NELL2: variants seen among roughly 807,000 people sequenced by gnomAD.
NELL2 encodes the protein protein kinase C-binding protein NELL2.
A neutral mutation model predicts 109.6 loss-of-function variants in NELL2; 41 were observed. That is an observed-to-expected ratio of 0.37 (90% CI 0.29 to 0.49). The LOEUF is 0.49. Among genes scored for constraint, NELL2 ranks in the 20% least tolerant of loss-of-function variants. The pLI is 0.98. For synonymous variants in NELL2, 355 were observed against 344.7 expected (o/e 1.03, Z -0.33); for missense variants, 900 against 1,008.3 (o/e 0.89, Z 1.45).
In NELL2 at chr12:44,693,931, G is replaced by C. The variant is rs532643644; in HGVS notation, c.1318+9795C>G. On this transcript the variant is annotated intron_variant, in intron 12 of 19. Coordinates refer to ENST00000429094, the MANE Select transcript of NELL2 (RefSeq NM_001145108.2). Reference sequence around the variant, plus strand: ...TCCATATATCATATTAATCCTGAAAGCTGTTTTATGTAGCAACTTTTCCAC... The same window carrying C: ...TCCATATATCATATTAATCCTGAAACCTGTTTTATGTAGCAACTTTTCCAC... 4.6e-5 allele frequency among the ~76,000 whole-genome samples: 7 copies of C among 152,238 alleles called. No homozygotes were observed. The South Asian group carries it at 1.5e-3, about 32-fold the overall frequency.
In NELL2 at chr12:44,727,924, C is replaced by T. The variant is rs80230040; in HGVS notation, c.995-13183G>A. ...AAGAAGCAAAAGGGCTTCCCATAAT[C>T]CTTCATGTCTTCAGTGATGCTATTA... On this transcript the variant is annotated intron_variant, in intron 9 of 19. Transcript: ENST00000429094. 9.2e-3 allele frequency among the ~76,000 whole-genome samples: 1,394 copies of T among 152,096 alleles called. 25 individuals are homozygous for T. Among genetic ancestry groups the T allele is most frequent in the East Asian group, 0.07 (363 of 5,182 alleles).
intron 9 of NELL2, among the ~76,000 whole-genome samples, chr12:44,751,006 C>G (rs969190503): frequency 6.6e-6 from 1 of 151,954 alleles, no homozygotes; most frequent in Non-Finnish European, 1.5e-5. Flanking sequence ...CCTTTCAGTC[C>G]AAAAGAGCAG....
chr12:44,638,220 T>C (rs1227099637), intron 13 of NELL2, among the ~76,000 whole-genome samples: 1 of 152,122 alleles, frequency 6.6e-6, no homozygotes, highest in Non-Finnish European at 1.5e-5. Flanking sequence ...TTTTTAGACT[T>C]ATTCTGTTCC....
intron 16 of NELL2, among the ~76,000 whole-genome samples, chr12:44,527,865 G>A (rs902344194): frequency 1.5e-4 from 23 of 151,814 alleles, no homozygotes; most frequent in Admixed American, 2.6e-4. Context: ...AGGCCGAGGC[G>A]GACGGATCAC....
intron 15 of NELL2, among the ~76,000 whole-genome samples, chr12:44,553,801 T>C (rs980130162): frequency 3.3e-5 from 5 of 151,268 alleles, no homozygotes; most frequent in African/African-American, 9.7e-5. Flanking sequence ...GAATTGGACA[T>C]TGTGAGAATA....
chr12:44,807,873 A>T (rs1943053321), intron 3 of NELL2, among the ~76,000 whole-genome samples: 1 of 152,072 alleles, frequency 6.6e-6, no homozygotes, highest in Admixed American at 6.6e-5. Flanking sequence ...CTTGCTCCTT[A>T]ATGACAGTTG....
intron 1 of NELL2, among the ~76,000 whole-genome samples, chr12:44,885,658 G>T (rs557145226): frequency 2.0e-5 from 3 of 151,896 alleles, no homozygotes; most frequent in South Asian, 4.1e-4. Flanking sequence ...AAAGATCTAC[G>T]TGCTCACAGA....
intron 14 of NELL2, among the ~76,000 whole-genome samples, chr12:44,609,341 T>A (rs1240596364): frequency 6.6e-6 from 1 of 152,016 alleles, no homozygotes; most frequent in African/African-American, 2.4e-5. Flanking sequence ...GGTGGCTAGT[T>A]GTAGACAGTG....
chr12:44,584,206 A>C (rs937167975), intron 15 of NELL2, among the ~76,000 whole-genome samples: 4 of 152,236 alleles, frequency 2.6e-5, no homozygotes, highest in African/African-American at 9.6e-5. Context: ...TTGGTTTTAA[A>C]CGTCCGCTTA....
intron 2 of NELL2, among the ~76,000 whole-genome samples, chr12:44,862,584 G>C (rs1173420774): frequency 1.3e-5 from 2 of 152,148 alleles, no homozygotes; most frequent in Non-Finnish European, 2.9e-5. Flanking sequence ...AAATCAGTCA[G>C]ATTTGCTTCA....
At chr12:44,703,683 A>T (rs751454838) in intron 12 of NELL2, 43 bp downstream of exon 12, 1 of 1,607,632 alleles carries the variant, frequency 6.2e-7, no homozygotes, top group South Asian at 1.1e-5. Flanking sequence ...CAGTAATCCT[A>T]GAAAATTTAT....
rs1308337256 is a variant in NELL2 at position 44,645,221 on chromosome 12, T to C, written c.1444+20263A>G. Among the ~76,000 whole-genome samples, 4 of 152,044 alleles carry C rather than the reference T, an allele frequency of 2.6e-5. No homozygotes were observed. In the East Asian group the frequency reaches 5.8e-4, roughly 22 times the overall value. Reference sequence around the variant, plus strand: ...AGGGAGGGGACACATGATAGCTTTGTAATAGGGAGCCACTAAATGGCAATA... The same window carrying C: ...AGGGAGGGGACACATGATAGCTTTGCAATAGGGAGCCACTAAATGGCAATA... On this transcript the variant is annotated intron_variant, in intron 13 of 19. Transcript: ENST00000429094.
chr12:44,809,777 T>A (rs984362473), intron 3 of NELL2, among the ~76,000 whole-genome samples: 3 of 152,056 alleles, frequency 2.0e-5, no homozygotes, highest in Non-Finnish European at 4.4e-5. Context: ...TCTGCAACAG[T>A]GTGATCATCT....
chr12:44,695,853 G>A (rs1272967345), intron 12 of NELL2, among the ~76,000 whole-genome samples: 1 of 152,092 alleles, frequency 6.6e-6, no homozygotes. Context: ...GCATGGTGGT[G>A]CATGCCTGTA....
chr12:44,600,733 T>C lies in NELL2; in HGVS notation c.1663+6436A>G, dbSNP rs547704079. Among the ~76,000 whole-genome samples the C allele has an allele frequency of 5.3e-5, 8 of 152,326 alleles. No individual in the cohort carries two copies. The East Asian group carries it at 1.5e-3, about 29-fold the overall frequency. ...GCCTCAGCTTTCCTATTTGAACTAC[T>C]CTGTCTAACAAGGACTTATCTATGG... is the stretch of plus-strand genomic sequence containing the variant. On this transcript the variant is annotated intron_variant, in intron 15 of 19. Transcript: ENST00000429094.
intron 3 of NELL2, among the ~76,000 whole-genome samples, chr12:44,813,352 T>A (rs1394541350): frequency 6.6e-6 from 1 of 152,226 alleles, no homozygotes; most frequent in African/African-American, 2.4e-5. Flanking sequence ...AATGATATAC[T>A]ATATCTCAAA....
Position 44,714,675 on chromosome 12 carries a change from C to G in NELL2, c.1061G>C (p.Gly354Ala), listed in dbSNP as rs904469871. Residue 354 changes from glycine (G) to alanine (A), a missense_variant, in exon 10 of 20, where the codon GGA (glycine) becomes GCA (alanine). Around this residue, in one of 4 missense-constraint regions of NELL2, gnomAD observed 292 missense variants for 265.3 expected, o/e 1.10. Transcript: ENST00000429094. Reference protein sequence around the residue: ...GERNTVYSSSGVCVLYECKDQ... With the variant: ...GERNTVYSSSAVCVLYECKDQ... Reference sequence around the variant, plus strand: ...CTTGCACTCATAGAGAACACATACTCCAGAAGAGGAATAGACTGTATTTCT... The same window carrying G: ...CTTGCACTCATAGAGAACACATACTGCAGAAGAGGAATAGACTGTATTTCT... 1 of 1,600,280 alleles carries G rather than the reference C, an allele frequency of 6.2e-7. No individual in the cohort carries two copies. The highest frequency in any genetic ancestry group is 1.8e-5 in the Admixed American group (1 of 56,642).
intron 15 of NELL2, among the ~76,000 whole-genome samples, chr12:44,606,142 T>C (rs759085892): frequency 6.6e-6 from 1 of 152,098 alleles, no homozygotes; most frequent in Non-Finnish European, 1.5e-5. Context: ...TTAGCAGTAC[T>C]TATAGAAAGA....
intron 13 of NELL2, among the ~76,000 whole-genome samples, chr12:44,630,834 G>A (rs17572590): frequency 0.068 from 10,371 of 152,070 alleles, 503 homozygotes; most frequent in Non-Finnish European, 0.1. Context: ...CTGTTAGATG[G>A]AATAAAGATT....
Sources: allele counts gnomAD v4.1 joint callset (sites outside exome capture counted in the v4.1 genomes callset), GRCh38; gene constraint gnomAD v4.1.1; regional missense constraint gnomAD v4.1.1; transcripts MANE v1.5; gene names NCBI Gene and HGNC (gene_info 2026-07-23, HGNC 2026-07-21).